Variants in SRRM4 observed in about 807,000 individuals in gnomAD.
The protein encoded by SRRM4 is serine/arginine repetitive matrix 4, also known as serine/arginine repetitive matrix protein 4.
In SRRM4, 33 loss-of-function variants were observed where a neutral mutation model predicts 68.9. That is an observed-to-expected ratio of 0.48 (90% CI 0.36 to 0.64). The LOEUF is 0.64. SRRM4 is among the 30% of genes least tolerant of loss of function. SRRM4 has a pLI of 0.00. For synonymous variants in SRRM4, 318 were observed against 318.8 expected (o/e 1.00, Z 0.03); for missense variants, 817 against 827.1 (o/e 0.99, Z 0.15).
intron 1 of SRRM4, among the ~76,000 whole-genome samples, chr12:119,023,632 C>G (rs1953529984): frequency 6.6e-6 from 1 of 152,214 alleles, no homozygotes; most frequent in Non-Finnish European, 1.5e-5. Context: ...TTATGTCACA[C>G]AGCTGCTTAA....
intron 1 of SRRM4, among the ~76,000 whole-genome samples, chr12:118,999,166 C>T (rs1287369231): frequency 6.6e-6 from 1 of 152,162 alleles, no homozygotes; most frequent in Non-Finnish European, 1.5e-5. Context: ...ACTGCTGATT[C>T]CTAGGATACC....
chr12:119,067,536 G>A (rs1953853390), intron 1 of SRRM4, among the ~76,000 whole-genome samples: 1 of 151,850 alleles, frequency 6.6e-6, no homozygotes, highest in Non-Finnish European at 1.5e-5. Flanking sequence ...GTGAAACCCC[G>A]TCTTTACTAA....
At chr12:119,042,979 G>T (rs935255587) in intron 1 of SRRM4, among the ~76,000 whole-genome samples, 2 of 152,148 alleles carry the variant, frequency 1.3e-5, no homozygotes, top group Non-Finnish European at 2.9e-5. Flanking sequence ...GGGAGACAGT[G>T]TGGCAATTCC....
intron 1 of SRRM4, among the ~76,000 whole-genome samples, chr12:119,044,382 G>A (rs1953691404): frequency 6.6e-6 from 1 of 152,206 alleles, no homozygotes; most frequent in African/African-American, 2.4e-5. Context: ...GGTACAGACA[G>A]TAGCATTTCA....
intron 8 of SRRM4, among the ~76,000 whole-genome samples, chr12:119,143,605 A>G (rs1441194815): frequency 6.6e-6 from 1 of 152,134 alleles, no homozygotes; most frequent in Non-Finnish European, 1.5e-5. Flanking sequence ...CATCTGGCAC[A>G]TCCAACACCA....
At chr12:119,001,163 C>T (rs1047306678) in intron 1 of SRRM4, 19 of 152,186 alleles carry the variant, frequency 1.2e-4, no homozygotes, top group African/African-American at 2.4e-4. Context: ...CTTTGCTTCT[C>T]GTGGCATACA....
In SRRM4 at chr12:119,161,259, T is replaced by G. The variant is rs1954512055; in HGVS notation, c.*4461T>G. 1 of 152,210 alleles carries G rather than the reference T, an allele frequency of 6.6e-6. No individual in the cohort carries two copies. Among genetic ancestry groups the G allele is most frequent in the African/African-American group, 2.4e-5 (1 of 41,446 alleles). The allele number at this position is 152,210 out of a possible 1,614,324, so 9.4% of individuals were successfully genotyped here. On this transcript the variant is annotated 3_prime_UTR_variant, in exon 13 of 13. Transcript: ENST00000267260. ...CTTTAGCTGAACAGAAAATTTTGTC[T>G]CAGTAAAACGAAGTCAAAAAACAGG... is the stretch of plus-strand genomic sequence containing the variant.
rs559633498 is a variant in SRRM4, at chr12:119,153,038, A to G, written c.1281-501A>G. On this transcript the variant is annotated intron_variant, in intron 10 of 12. Coordinates refer to ENST00000267260, the MANE Select transcript of SRRM4 (RefSeq NM_194286.4). The stretch of plus-strand genomic sequence containing the variant: ...TTTCCCCATCTATAAAATGAAATTG[A>G]TAATAGTACCTAACCCTAAGATGTG... Among the ~76,000 whole-genome samples, 27 of 152,322 alleles carry G rather than the reference A, an allele frequency of 1.8e-4. No individual in the cohort carries two copies. The East Asian group carries it at 5.0e-3, about 28-fold the overall frequency.
intron 1 of SRRM4, among the ~76,000 whole-genome samples, chr12:119,004,136 A>T (rs898009011): frequency 2.0e-5 from 3 of 151,832 alleles, no homozygotes; most frequent in Admixed American, 6.6e-5. Flanking sequence ...TGAAAATTTG[A>T]TCTTCTTTTT....
chr12:119,022,464 C>G (rs974299446), intron 1 of SRRM4, among the ~76,000 whole-genome samples: 1 of 152,118 alleles, frequency 6.6e-6, no homozygotes, highest in Non-Finnish European at 1.5e-5. Context: ...CAAATCAGCA[C>G]AAATAATCCA....
intron 1 of SRRM4, among the ~76,000 whole-genome samples, chr12:119,020,591 G>C (rs1447886162): frequency 2.6e-5 from 4 of 152,136 alleles, no homozygotes; most frequent in African/African-American, 9.7e-5. Context: ...CTGACGGAGG[G>C]GGAGTGAGTC....
At chr12:119,009,584 G>C (rs1953436433) in intron 1 of SRRM4, among the ~76,000 whole-genome samples, 1 of 152,220 alleles carries the variant, frequency 6.6e-6, no homozygotes, top group African/African-American at 2.4e-5. Flanking sequence ...CTTCTTGCCA[G>C]CTGTGTGACC....
At chr12:119,109,155 C>T (rs7975410) in intron 2 of SRRM4, among the ~76,000 whole-genome samples, 109,032 of 151,768 alleles carry the variant, frequency 0.72, 39,567 homozygotes, top group African/African-American at 0.79. Context: ...TGGCCCCCAC[C>T]CTCTTCTGGC....
At chr12:119,084,427 G>A (rs1953967760) in intron 1 of SRRM4, among the ~76,000 whole-genome samples, 1 of 152,202 alleles carries the variant, frequency 6.6e-6, no homozygotes, top group Non-Finnish European at 1.5e-5. Context: ...CTGCCCTTCA[G>A]TACCTGCCTA....
At chr12:119,042,665 AGAG>A (rs1565895855) in intron 1 of SRRM4, among the ~76,000 whole-genome samples, 2 of 151,784 alleles carry the variant, frequency 1.3e-5, no homozygotes, top group Admixed American at 6.6e-5. Context: ...AGAAAGGAGA[AGAG>A]GAAAGAAGGG....
At chr12:119,025,428 GT>G (rs74903455) in intron 1 of SRRM4, among the ~76,000 whole-genome samples, 53 of 148,554 alleles carry the variant, frequency 3.6e-4, no homozygotes, top group African/African-American at 7.7e-4. Context: ...CATATATGGA[GT>G]TTTTTTTTTT....
chr12:119,111,232 G>C (rs1359187630), intron 2 of SRRM4, among the ~76,000 whole-genome samples: 1 of 152,166 alleles, frequency 6.6e-6, no homozygotes. Flanking sequence ...TGTAACCAGG[G>C]TATACTTAAC....
chr12:119,116,856 A>G lies in SRRM4; in HGVS notation c.366-81A>G, dbSNP rs527238444. 4.6e-5 allele frequency: 53 copies of G among 1,155,200 alleles called. No individual in the cohort carries two copies. In the South Asian group the frequency reaches 6.8e-4, roughly 15 times the overall value. 71.6% of individuals were successfully genotyped at this position (1,155,200 alleles called of 1,614,324 possible). A position where few individuals can be genotyped will look rare whatever the true frequency, so the allele number is the denominator to read the frequency against. On this transcript the variant is annotated intron_variant, in intron 3 of 12. Transcript: ENST00000267260. ...CCTGCAAGAGCTAAAACCCTGTATA[A>G]GGACTGGGGAAGGTTCTTTTTGAAA...
intron 8 of SRRM4, 60 bp downstream of exon 8, chr12:119,130,894 G>A (rs1401618078): frequency 2.6e-6 from 4 of 1,540,432 alleles, no homozygotes; most frequent in African/African-American, 2.7e-5. Flanking sequence ...GGAATGTGGA[G>A]GCACAAGTTC....
Sources: gnomAD v4.1 joint callset for allele counts (sites outside exome capture counted in the v4.1 genomes callset) on GRCh38, gnomAD v4.1.1 for gene constraint, MANE v1.5 for transcripts, NCBI Gene and HGNC (gene_info 2026-07-23, HGNC 2026-07-21) for gene names.